RNF213: variants seen among roughly 807,000 people sequenced by gnomAD.
The protein encoded by RNF213 is ring finger protein 213, also known as E3 ubiquitin-protein ligase RNF213.
Under a neutral mutation model 514.4 loss-of-function variants are expected in RNF213, and 341 were observed. That is an observed-to-expected ratio of 0.66 (90% CI 0.61 to 0.73). RNF213 has a LOEUF of 0.73. Ranked by LOEUF, RNF213 falls within the 30% of genes least tolerant of loss-of-function variation. The pLI, the probability that RNF213 is intolerant of heterozygous loss-of-function variation, is 0.00. For synonymous variants in RNF213, 2,655 were observed against 2,658.2 expected (o/e 1.00, Z 0.04); for missense variants, 5,767 against 6,615.6 (o/e 0.87, Z 4.45).
chr17:80,268,189 A>C (rs1159660235), intron 2 of RNF213, among the ~76,000 whole-genome samples: 1 of 151,724 alleles, frequency 6.6e-6, no homozygotes. Context: ...TTCAACGTCC[A>C]TTGTTGGATA....
intron 64 of RNF213, 63 bp from the exon 65 acceptor site, chr17:80,389,110 C>G: frequency 6.6e-7 from 1 of 1,504,452 alleles, no homozygotes. Context: ...GGCTCTCTTA[C>G]CAGGTGGTGA....
At chr17:80,382,155 ATTTATTAAATG>A (rs956601324) in intron 57 of RNF213, 1 of 187,472 alleles carries the variant, frequency 5.3e-6, no homozygotes, top group Non-Finnish European at 1.1e-5. Context: ...TTGTGTGCTG[ATTTATTAAATG>A]TTTATATGTC....
chr17:80,349,181 G>A (rs1037476744), intron 29 of RNF213, among the ~76,000 whole-genome samples: 48 of 152,148 alleles, frequency 3.2e-4, no homozygotes, highest in Non-Finnish European at 2.9e-5. Flanking sequence ...GACAGATACC[G>A]CAGGAACGGA....
chr17:80,379,554 T>C, intron 54 of RNF213, 66 bp from the exon 55 acceptor site: 1 of 1,402,608 alleles, frequency 7.1e-7, no homozygotes, highest in East Asian at 2.3e-5. Context: ...TTCATTTGCA[T>C]GATGGCATTT....
rs1161344383 is a variant in RNF213 at position 80,347,260 on chromosome 17, C to T, written c.8925C>T (p.Ser2975=). ...CAAAGGCTTCAAATAGAAAGCCTTC[C>T]CCGCAAGACATTGCACAGGCTGTCC... is the stretch of plus-strand genomic sequence containing the variant. ...AAAKASNRKP[S]PQDIAQAVLR... The change falls in exon 29 of 68, where the codon TCC becomes TCT. Residue 2975 remains serine, a synonymous_variant. Transcript: ENST00000582970. This position sits in a 1 kb window ranked among gnomAD's most constrained non-coding sequence, Gnocchi z 7.2. The T allele has an allele frequency of 6.2e-7, 1 of 1,613,520 alleles. No homozygotes were observed. The highest frequency in any genetic ancestry group is 8.5e-7 in the Non-Finnish European group (1 of 1,179,800).
At position 80,340,016 on chromosome 17, in the gene RNF213, C is replaced by G; in HGVS notation, c.5649C>G (p.Thr1883=). The change falls in exon 26 of 68, where the codon ACC becomes ACG. Residue 1883 remains threonine, a synonymous_variant. Transcript: ENST00000582970. ...CACTGTTGCTGCGCCGCTGCCTGAC[C>G]CTGGGCTCCCTGGGGCACAAGGTCT... ...EVALLLRRCL[T]LGSLGHKVYS... 1 of 1,541,942 alleles carries G rather than the reference C, an allele frequency of 6.5e-7. No homozygotes were observed. The highest frequency in any genetic ancestry group is 8.7e-7 in the Non-Finnish European group (1 of 1,148,454).
Position 80,344,773 on chromosome 17 carries a change from G to A in RNF213, c.6438G>A (p.Leu2146=), listed in dbSNP as rs750346938. 1 of 1,614,060 alleles carries A rather than the reference G, an allele frequency of 6.2e-7. No individual in the cohort carries two copies. The highest frequency in any genetic ancestry group is 1.1e-5 in the South Asian group (1 of 91,084). ...KEVIDMELSA[L]RSDTEPGMDL... is the part of the protein sequence containing the mutation. ...TGATAGACATGGAGCTGAGTGCCCTGAGGAGTGACACAGAGCCTGGGATGG... is the reference window on the plus strand; with the variant it reads ...TGATAGACATGGAGCTGAGTGCCCTAAGGAGTGACACAGAGCCTGGGATGG... Residue 2146 remains leucine (L), a synonymous_variant, in exon 29 of 68, where the codon CTG becomes CTA. Coordinates refer to ENST00000582970, the MANE Select transcript of RNF213 (RefSeq NM_001256071.3).
rs751003707 is a variant in RNF213, at chr17:80,346,795, C to A, written c.8460C>A (p.Ser2820Arg). ...ACTCCACCCCACAGGGCATCATCAG[C>A]ACCTTCCGGCAGTGCGCCCGCTTTC... ...SPHSTPQGIISTFRQCARFQQ... is the reference protein window; with the variant it reads ...SPHSTPQGIIRTFRQCARFQQ... The change falls in exon 29 of 68, where the codon AGC becomes AGA. Residue 2820 changes from serine to arginine, a missense_variant. Ser to Arg is a moderately radical substitution (Grantham distance 110, BLOSUM62 -1). This residue lies in a region of RNF213 where 105 missense variants were observed against 183.9 expected (regional missense o/e 0.57). Coordinates refer to ENST00000582970, the MANE Select transcript of RNF213 (RefSeq NM_001256071.3). The surrounding 1 kb of genome is among the most constrained non-coding windows in gnomAD (Gnocchi z 8.1). The A allele has an allele frequency of 2.5e-6, 4 of 1,613,970 alleles. No individual in the cohort carries two copies. Among genetic ancestry groups the A allele is most frequent in the Non-Finnish European group, 3.4e-6 (4 of 1,180,038 alleles).
chr17:80,355,460 A>C (rs1427507397), intron 36 of RNF213, among the ~76,000 whole-genome samples: 3 of 32,260 alleles, frequency 9.3e-5, no homozygotes, highest in African/African-American at 1.2e-4. Flanking sequence ...ACGGAGGAAG[A>C]GGGGTGACCG....
chr17:80,272,607 G>A (rs991885554), intron 2 of RNF213, among the ~76,000 whole-genome samples: 11 of 152,136 alleles, frequency 7.2e-5, no homozygotes, highest in African/African-American at 1.7e-4. Flanking sequence ...AGACCTCCCC[G>A]CAGCCCTGCC....
intron 11 of RNF213, among the ~76,000 whole-genome samples, chr17:80,304,821 C>T (rs1015901132): frequency 1.1e-4 from 17 of 152,244 alleles, no homozygotes; most frequent in Admixed American, 7.8e-4. Context: ...ATCCACCTCC[C>T]GAACTCAGCT....
At chr17:80,283,188 G>A (rs1253461632) in intron 3 of RNF213, among the ~76,000 whole-genome samples, 1 of 152,144 alleles carries the variant, frequency 6.6e-6, no homozygotes, top group Admixed American at 6.5e-5. Context: ...GACAGCAGGA[G>A]GCACTGGCAG....
intron 3 of RNF213, among the ~76,000 whole-genome samples, chr17:80,274,103 G>A (rs74003703): frequency 0.021 from 3,195 of 152,132 alleles, 114 homozygotes; most frequent in African/African-American, 0.072. Context: ...GCGTCCGCTG[G>A]GTGCGTGTCT....
rs201294949 is a variant in RNF213, at chr17:80,291,876, C to T, written c.1471+49C>T. ...TGCTCACCCCTCCGGAGTGCAGGTGCCAATCCCGCGGTACTGGACGCGTCT... is the reference window on the plus strand; with the variant it reads ...TGCTCACCCCTCCGGAGTGCAGGTGTCAATCCCGCGGTACTGGACGCGTCT... On this transcript the variant is annotated intron_variant, in intron 8 of 67. Coordinates refer to ENST00000582970, the MANE Select transcript of RNF213 (RefSeq NM_001256071.3). The T allele has an allele frequency of 3.0e-5, 48 of 1,596,528 alleles. No homozygotes were observed. The Admixed American group carries it at 5.9e-4, about 20-fold the overall frequency.
At position 80,345,503 on chromosome 17, in the gene RNF213, G is replaced by A. The variant is rs200989987; in HGVS notation, c.7168G>A (p.Asp2390Asn). Residue 2390 changes from aspartate (D) to asparagine (N), a missense_variant, in exon 29 of 68, where the codon GAC (aspartate) becomes AAC (asparagine). Physicochemically the swap from Asp to Asn is conservative, Grantham distance 23. Coordinates refer to ENST00000582970, the MANE Select transcript of RNF213 (RefSeq NM_001256071.3). The surrounding 1 kb of genome is among the most constrained non-coding windows in gnomAD (Gnocchi z 6.0). ...AGGGATCCCCCAGGCCACCGACCCC[G>A]ACAAAACGTATGAGCTCACAACCGA... Reference protein sequence around the residue: ...TLGIPQATDPDKTYELTTDNM... With the variant: ...TLGIPQATDPNKTYELTTDNM... 39 of 1,610,846 alleles carry A rather than the reference G, an allele frequency of 2.4e-5. No individual in the cohort carries two copies. Among genetic ancestry groups the A allele is most frequent in the South Asian group, 4.4e-5 (4 of 90,988 alleles).
chr17:80,295,399 G>C (rs893130500), intron 9 of RNF213, among the ~76,000 whole-genome samples, 158 bp from the exon 10 acceptor site: 4 of 152,206 alleles, frequency 2.6e-5, no homozygotes, highest in African/African-American at 9.6e-5. Context: ...TCATGCCAGG[G>C]TCTTGGCTGC....
At chr17:80,289,591 A>AG in intron 5 of RNF213, 68 bp from the exon 6 acceptor site, 2 of 1,426,864 alleles carry the variant, frequency 1.4e-6, no homozygotes, top group Non-Finnish European at 1.9e-6. Flanking sequence ...ACTCTGTCTC[A>AG]GAAAAAAAAA....
chr17:80,290,374 T>C (rs2044654752), intron 6 of RNF213, among the ~76,000 whole-genome samples, 196 bp from the exon 7 acceptor site: 1 of 150,496 alleles, frequency 6.6e-6, no homozygotes, highest in Non-Finnish European at 1.5e-5. Context: ...CGTGTGTGAG[T>C]GCGTGCACGT....
In RNF213 at chr17:80,288,094, G is replaced by C. The variant is rs1412736393; in HGVS notation, c.541G>C (p.Glu181Gln). Reference protein sequence around the residue: ...DSPLQAQALGEAGVATGSEAQ... With the variant: ...DSPLQAQALGQAGVATGSEAQ... The stretch of plus-strand genomic sequence containing the variant: ...CCCCCTGCAGGCCCAGGCTTTGGGA[G>C]AGGCAGGAGTGGCCACAGGAAGTGA... Residue 181 changes from glutamate (E) to glutamine (Q), a missense_variant, in exon 4 of 68, where the codon GAG becomes CAG. Coordinates refer to ENST00000582970, the MANE Select transcript of RNF213 (RefSeq NM_001256071.3). This position sits in a 1 kb window ranked among gnomAD's most constrained non-coding sequence, Gnocchi z 4.9. 1 of 1,607,392 alleles carries C rather than the reference G, an allele frequency of 6.2e-7. No homozygotes were observed. The highest frequency in any genetic ancestry group is 8.5e-7 in the Non-Finnish European group (1 of 1,176,016).
Sources: allele counts gnomAD v4.1 joint callset (sites outside exome capture counted in the v4.1 genomes callset), GRCh38; gene constraint gnomAD v4.1.1; regional missense constraint gnomAD v4.1.1; non-coding constraint Gnocchi (gnomAD v3.1); transcripts MANE v1.5; gene names NCBI Gene and HGNC (gene_info 2026-07-23, HGNC 2026-07-21).